The following GPC6 variants were observed in gnomAD, a reference collection of about 807,000 sequenced individuals.
The protein encoded by GPC6 is glypican 6.
Under a neutral mutation model 55.2 loss-of-function variants are expected in GPC6, and 14 were observed. The ratio of observed to expected loss-of-function variants is 0.25; its 90% confidence interval spans 0.17 to 0.40. The LOEUF (loss-of-function observed/expected upper bound fraction) is 0.40, where lower values mean the gene tolerates loss of function less well. Ranked by LOEUF, GPC6 falls within the 10% of genes least tolerant of loss-of-function variation. GPC6 has a pLI of 1.00. For missense variants in GPC6, 641 were observed against 708.5 expected, an observed-to-expected ratio of 0.90 and a Z score of 1.08; for synonymous variants, 278 against 259.6, an observed-to-expected ratio of 1.07 and a Z score of -0.68.
rs1377843703 is a variant in GPC6 at position 93,495,594 on chromosome 13, G to T, written c.161-49669G>T. Among the ~76,000 whole-genome samples the T allele has an allele frequency of 1.0e-3, 115 of 111,722 alleles. 2 individuals carry two copies. Among genetic ancestry groups the T allele is most frequent in the African/African-American group, 3.5e-3 (104 of 29,714 alleles). 73.3% of individuals were successfully genotyped at this position (111,722 alleles called of 152,430 possible). On this transcript the variant is annotated intron_variant, in intron 1 of 8. Coordinates refer to ENST00000377047, the MANE Select transcript of GPC6 (RefSeq NM_005708.5). ...AACTGCGTTCCTTTGGAGGAGGAGA[G>T]GTGCTCTGCTTTTTAGAGTTTCCAG... is the stretch of plus-strand genomic sequence containing the variant.
chr13:94,075,958 A>G (rs998761640), intron 4 of GPC6, among the ~76,000 whole-genome samples: 8 of 151,994 alleles, frequency 5.3e-5, no homozygotes, highest in African/African-American at 1.7e-4. Flanking sequence ...TGTTTTATCA[A>G]TTCTTTTGGA....
rs7338184 is a variant in GPC6, at chr13:93,903,681, G to A, written c.711+73136G>A. Among the ~76,000 whole-genome samples the A allele has an allele frequency of 4.6e-3, 704 of 152,218 alleles. 7 individuals carry two copies. The highest frequency in any genetic ancestry group is 0.016 in the African/African-American group (675 of 41,544). On this transcript the variant is annotated intron_variant, in intron 3 of 8. Coordinates refer to ENST00000377047, the MANE Select transcript of GPC6 (RefSeq NM_005708.5). ...ATTATCAATACAAACAATATGTTGT[G>A]GGGATTCATGGAGATGATGCATATA...
chr13:93,381,954 A>C (rs1875193079), intron 1 of GPC6, among the ~76,000 whole-genome samples: 1 of 152,154 alleles, frequency 6.6e-6, no homozygotes, highest in Non-Finnish European at 1.5e-5. Context: ...CTCCGGAGAA[A>C]ATATTCAAAA....
chr13:93,456,238 A>G (rs1399616940), intron 1 of GPC6, among the ~76,000 whole-genome samples: 1 of 152,196 alleles, frequency 6.6e-6, no homozygotes, highest in East Asian at 1.9e-4. Flanking sequence ...TTAAGAGACA[A>G]CAGAACAGGA....
intron 2 of GPC6, among the ~76,000 whole-genome samples, chr13:93,568,259 A>C (rs1366436479): frequency 6.6e-6 from 1 of 152,164 alleles, no homozygotes. Context: ...GCTTTTTGTA[A>C]CTATGAGATT....
At chr13:93,912,969 C>A (rs556910981) in intron 3 of GPC6, among the ~76,000 whole-genome samples, 1 of 152,056 alleles carries the variant, frequency 6.6e-6, no homozygotes, top group Non-Finnish European at 1.5e-5. Context: ...GTCTCTGTGT[C>A]GATTCTTCTT....
intron 6 of GPC6, among the ~76,000 whole-genome samples, chr13:94,329,966 T>TGG (rs1877324853): frequency 1.3e-5 from 2 of 152,170 alleles, no homozygotes; most frequent in African/African-American, 4.8e-5. Flanking sequence ...GAGCTGAAGG[T>TGG]ACTGCGCATT....
intron 4 of GPC6, among the ~76,000 whole-genome samples, chr13:94,184,428 A>G (rs563750533): frequency 9.7e-4 from 147 of 152,298 alleles, no homozygotes; most frequent in African/African-American, 3.5e-3. Context: ...GAAGGAGCTT[A>G]AACAAATCAA....
chr13:94,106,418 A>G (rs907874525), intron 4 of GPC6, among the ~76,000 whole-genome samples: 2 of 152,190 alleles, frequency 1.3e-5, no homozygotes, highest in East Asian at 1.9e-4. Context: ...TTTACAAGAC[A>G]TGATGATTTC....
At chr13:93,643,146 GT>G (rs1288238471) in intron 2 of GPC6, among the ~76,000 whole-genome samples, 3 of 152,040 alleles carry the variant, frequency 2.0e-5, no homozygotes, top group African/African-American at 7.2e-5. Flanking sequence ...TGTGCAATGA[GT>G]TCCTCATATT....
chr13:94,389,126 T>C (rs946709450), intron 7 of GPC6, among the ~76,000 whole-genome samples: 20 of 152,116 alleles, frequency 1.3e-4, no homozygotes, highest in African/African-American at 4.3e-4. Flanking sequence ...ACATTCTGAC[T>C]CCACTCAGAC....
intron 3 of GPC6, among the ~76,000 whole-genome samples, chr13:93,844,233 C>T (rs758339552): frequency 1.8e-4 from 28 of 152,032 alleles, no homozygotes; most frequent in Non-Finnish European, 3.4e-4. Flanking sequence ...TCACTTCCTG[C>T]GTTCAAGTGA....
chr13:93,735,023 T>G (rs1883948116), intron 2 of GPC6, among the ~76,000 whole-genome samples: 2 of 152,194 alleles, frequency 1.3e-5, no homozygotes. Flanking sequence ...TAGCCTCTTA[T>G]TGCTGACATG....
chr13:93,521,438 G>A lies in GPC6; in HGVS notation c.161-23825G>A, dbSNP rs182527079. ...GTGACAGCCACTGGGATTTCCAGCA[G>A]TGCTACTATTCTGGACCTATTAATG... On this transcript the variant is annotated intron_variant, in intron 1 of 8. Transcript: ENST00000377047. Among the ~76,000 whole-genome samples the A allele has an allele frequency of 2.0e-5, 3 of 152,074 alleles. No individual in the cohort carries two copies. In the East Asian group the frequency reaches 5.8e-4, roughly 29 times the overall value.
chr13:93,858,918 G>A (rs1478968013), intron 3 of GPC6, among the ~76,000 whole-genome samples: 1 of 151,354 alleles, frequency 6.6e-6, no homozygotes, highest in Admixed American at 6.6e-5. Flanking sequence ...AAGGGAAAGA[G>A]GATTATTATC....
At chr13:93,377,617 G>T (rs1300425244) in intron 1 of GPC6, among the ~76,000 whole-genome samples, 2 of 152,146 alleles carry the variant, frequency 1.3e-5, no homozygotes, top group African/African-American at 2.4e-5. Context: ...GTTCTAGGAG[G>T]GGGAAAATTC....
intron 2 of GPC6, among the ~76,000 whole-genome samples, chr13:93,755,204 T>C (rs748590217): frequency 9.2e-5 from 14 of 152,130 alleles, no homozygotes; most frequent in Non-Finnish European, 2.1e-4. Context: ...CCCACCACAA[T>C]GTAGAAGATC....
intron 4 of GPC6, among the ~76,000 whole-genome samples, chr13:94,111,471 A>G (rs1207725993): frequency 1.5e-5 from 1 of 64,724 alleles, no homozygotes. Context: ...ACTTAAAGTA[A>G]ATATAATAAT....
intron 3 of GPC6, among the ~76,000 whole-genome samples, chr13:94,013,106 C>T (rs1050238636): frequency 6.6e-6 from 1 of 151,972 alleles, no homozygotes; most frequent in African/African-American, 2.4e-5. Flanking sequence ...ATGATGTGTT[C>T]GACTGGGTAA....
Sources: allele counts gnomAD v4.1 joint callset (sites outside exome capture counted in the v4.1 genomes callset), GRCh38; gene constraint gnomAD v4.1.1; transcripts MANE v1.5; gene names NCBI Gene and HGNC (gene_info 2026-07-23, HGNC 2026-07-21).